The following ZBTB7C variants were observed in gnomAD, a reference collection of about 807,000 sequenced individuals.
The protein encoded by ZBTB7C is zinc finger and BTB domain containing 7C, also known as zinc finger and BTB domain-containing protein 7C.
ZBTB7C carries 8 observed loss-of-function variants against 25.7 expected under a neutral mutation model. The ratio of observed to expected loss-of-function variants is 0.31; its 90% CI spans 0.18 to 0.56. ZBTB7C has a LOEUF of 0.56. Among genes scored for constraint, ZBTB7C ranks in the 20% least tolerant of loss-of-function variants. ZBTB7C has a pLI of 0.91. For missense variants in ZBTB7C, 824 were observed against 855.2 expected, an observed-to-expected ratio of 0.96 and a Z score of 0.46; for synonymous variants, 394 against 369.0, an observed-to-expected ratio of 1.07 and a Z score of -0.78.
At chr18:48,126,646 CT>C (rs2039810297) in intron 3 of ZBTB7C, among the ~76,000 whole-genome samples, 2 of 152,196 alleles carry the variant, frequency 1.3e-5, no homozygotes, top group Non-Finnish European at 2.9e-5. Context: ...GCATGTGACA[CT>C]TCCATTGCTT....
At chr18:48,132,761 G>C (rs2144781975) in intron 3 of ZBTB7C, among the ~76,000 whole-genome samples, 1 of 152,306 alleles carries the variant, frequency 6.6e-6, no homozygotes, top group South Asian at 2.1e-4. Flanking sequence ...ACCTCTTCCA[G>C]TGGCTCCAGA....
rs371065302 is a variant in ZBTB7C, at chr18:48,308,708, T to G, written c.-79+29466A>C. ...ACAGACTGGTAACAAACAGTACCAG[T>G]GGACCATACCTTGAGTAGTTCTGTT... On this transcript the variant is annotated intron_variant, in intron 2 of 4. Coordinates refer to ENST00000590800, the MANE Select transcript of ZBTB7C (RefSeq NM_001318841.2). Among the ~76,000 whole-genome samples the G allele has an allele frequency of 1.7e-3, 261 of 152,358 alleles. 2 individuals are homozygous for G. The highest frequency in any genetic ancestry group is 5.7e-3 in the African/African-American group (238 of 41,584).
rs143094643 is a variant in ZBTB7C, at chr18:48,352,962, A to G, written c.-303-14564T>C. ...CCTTAGATATCTGAATATGAGAATC[A>G]TCATCTGCCCTGCCTGCCTTGCACA... On this transcript the variant is annotated intron_variant, in intron 1 of 4. Coordinates refer to ENST00000590800, the MANE Select transcript of ZBTB7C (RefSeq NM_001318841.2). Among the ~76,000 whole-genome samples, 4 of 152,310 alleles carry G rather than the reference A, an allele frequency of 2.6e-5. No individual in the cohort carries two copies. The East Asian group carries it at 7.7e-4, about 29-fold the overall frequency.
At chr18:48,369,264 A>G (rs1381040352) in intron 1 of ZBTB7C, among the ~76,000 whole-genome samples, 2 of 152,192 alleles carry the variant, frequency 1.3e-5, no homozygotes, top group African/African-American at 2.4e-5. Context: ...TGTAATATGT[A>G]GAGTATCTAC....
intron 1 of ZBTB7C, among the ~76,000 whole-genome samples, chr18:48,371,736 T>C (rs528607691): frequency 1.6e-4 from 25 of 152,354 alleles, no homozygotes; most frequent in African/African-American, 5.8e-4. Flanking sequence ...GAAGTACTTC[T>C]GATGTGGCAG....
At chr18:48,059,058 G>A (rs954551620) in intron 3 of ZBTB7C, among the ~76,000 whole-genome samples, 2 of 152,140 alleles carry the variant, frequency 1.3e-5, no homozygotes, top group African/African-American at 4.8e-5. Context: ...AAAATCATGT[G>A]GATGAGAGAT....
intron 3 of ZBTB7C, among the ~76,000 whole-genome samples, chr18:48,070,744 A>G (rs2037512563): frequency 6.6e-6 from 1 of 152,076 alleles, no homozygotes; most frequent in South Asian, 2.1e-4. Context: ...CAAACATGCC[A>G]TTCTTTAGGG....
intron 2 of ZBTB7C, among the ~76,000 whole-genome samples, chr18:48,201,610 G>A (rs577788968): frequency 3.3e-5 from 5 of 151,606 alleles, no homozygotes. Context: ...CTCTCCTCCT[G>A]CCTCTTTCCC....
intron 1 of ZBTB7C, among the ~76,000 whole-genome samples, chr18:48,375,167 C>G (rs2145182471): frequency 6.6e-6 from 1 of 152,366 alleles, no homozygotes; most frequent in African/African-American, 2.4e-5. Context: ...ACCCACCCTA[C>G]TTATAGTCTT....
chr18:48,374,112 C>T (rs1286033256), intron 1 of ZBTB7C: 1 of 152,448 alleles, frequency 6.6e-6, no homozygotes, highest in Non-Finnish European at 1.5e-5. Flanking sequence ...TGGTGCCATG[C>T]TTCCTGTACA....
rs752898475 is a variant in ZBTB7C, at chr18:48,040,817, G to A, written c.291C>T (p.Leu97=). 10 of 1,613,990 alleles carry A rather than the reference G, an allele frequency of 6.2e-6. No homozygotes were observed. The highest frequency in any genetic ancestry group is 1.7e-5 in the Admixed American group (1 of 60,022). ...AILEFAYTST[L]TITAGNVKHI... is the part of the protein sequence containing the mutation. The stretch of plus-strand genomic sequence containing the variant: ...GCTTGACATTGCCAGCGGTGATGGT[G>A]AGCGTGGAGGTGTAGGCGAACTCCA... Residue 97 remains leucine, a synonymous_variant, in exon 4 of 5, where the codon CTC becomes CTT. Transcript: ENST00000590800.
chr18:48,366,507 T>C (rs897190315), intron 1 of ZBTB7C, among the ~76,000 whole-genome samples: 3 of 151,856 alleles, frequency 2.0e-5, no homozygotes, highest in African/African-American at 7.3e-5. Context: ...AATGACAAAA[T>C]AGGAAAAAAT....
chr18:48,362,082 C>T (rs995497274), intron 1 of ZBTB7C, among the ~76,000 whole-genome samples: 6 of 152,152 alleles, frequency 3.9e-5, no homozygotes, highest in South Asian at 4.1e-4. Flanking sequence ...GACTGAGGCT[C>T]GAAGACATGG....
At chr18:48,399,333 T>C (rs2048106326) in intron 1 of ZBTB7C, among the ~76,000 whole-genome samples, 1 of 152,196 alleles carries the variant, frequency 6.6e-6, no homozygotes, top group African/African-American at 2.4e-5. Context: ...TTTTAAACCA[T>C]GGAGGTGTTG....
chr18:48,318,191 C>G (rs1304254030), intron 2 of ZBTB7C, among the ~76,000 whole-genome samples: 3 of 151,596 alleles, frequency 2.0e-5, no homozygotes, highest in African/African-American at 2.4e-5. Flanking sequence ...CAGAACATGT[C>G]CCTTGCAAAA....
upstream of ZBTB7C, among the ~76,000 whole-genome samples, chr18:48,410,351 G>T (rs928750287): frequency 1.3e-5 from 2 of 152,174 alleles, no homozygotes; most frequent in Non-Finnish European, 2.9e-5. Flanking sequence ...AGCAGCCGCT[G>T]GCCGCCCGTC....
At chr18:48,403,394 C>G (rs1427521834) in intron 1 of ZBTB7C, among the ~76,000 whole-genome samples, 1 of 152,226 alleles carries the variant, frequency 6.6e-6, no homozygotes, top group Non-Finnish European at 1.5e-5. Context: ...CCTTCCCTCC[C>G]TGCCTACATG....
At chr18:48,093,618 C>CAAA (rs61347643) in intron 3 of ZBTB7C, among the ~76,000 whole-genome samples, 28 of 150,846 alleles carry the variant, frequency 1.9e-4, no homozygotes, top group Admixed American at 4.6e-4. Flanking sequence ...TAAAAAAAAA[C>CAAA]AAAAAAAACA....
intron 3 of ZBTB7C, among the ~76,000 whole-genome samples, chr18:48,094,015 C>T (rs559111354): frequency 3.9e-5 from 6 of 152,220 alleles, no homozygotes; most frequent in Admixed American, 6.5e-5. Flanking sequence ...GCTGAGATCA[C>T]GCCACTGCAC....
Sources: gnomAD v4.1 joint callset for allele counts (sites outside exome capture counted in the v4.1 genomes callset) on GRCh38, gnomAD v4.1.1 for gene constraint, MANE v1.5 for transcripts, NCBI Gene and HGNC (gene_info 2026-07-23, HGNC 2026-07-21) for gene names.